The following ANXA8 variants were observed in gnomAD, a reference collection of about 807,000 sequenced individuals.
ANXA8 encodes annexin A8, also known as VAC-beta.
Under a neutral mutation model 26.8 loss-of-function variants are expected in ANXA8, and 9 were observed. The ratio of observed to expected loss-of-function variants is 0.34; its 90% CI spans 0.20 to 0.59. The LOEUF is 0.59. ANXA8 is among the 20% of genes least tolerant of loss of function. The pLI, the probability that ANXA8 is intolerant of heterozygous loss-of-function variation, is 0.84. For synonymous variants in ANXA8, 39 were observed against 94.8 expected, an observed-to-expected ratio of 0.41 and a Z score of 3.42; for missense variants, 83 against 238.5, an observed-to-expected ratio of 0.35 and a Z score of 4.29.
chr10:47,705,278 A>C, the ANXA8 span, among the ~76,000 whole-genome samples: 1 of 142,324 alleles, frequency 7.0e-6, no homozygotes, highest in South Asian at 2.4e-4. Context: ...GATTTCTGTA[A>C]AAGATACAAG....
the ANXA8 span, among the ~76,000 whole-genome samples, chr10:47,685,368 GA>G: frequency 9.6e-5 from 14 of 145,402 alleles, no homozygotes; most frequent in Admixed American, 4.8e-4. Context: ...AAAAGAAAAA[GA>G]AAAAAAAACA....
chr10:47,681,640 T>C, the ANXA8 span, among the ~76,000 whole-genome samples: 11 of 128,996 alleles, frequency 8.5e-5, no homozygotes, highest in African/African-American at 2.9e-4. Context: ...CAGGTGATCC[T>C]TTCACTTCAG....
the ANXA8 span, among the ~76,000 whole-genome samples, chr10:47,761,114 AC>A: frequency 6.7e-6 from 1 of 149,902 alleles, no homozygotes; most frequent in Non-Finnish European, 1.5e-5. Context: ...ACACACACAC[AC>A]ACACACACAC....
chr10:47,683,800 T>G, the ANXA8 span, among the ~76,000 whole-genome samples: 1 of 151,062 alleles, frequency 6.6e-6, no homozygotes, highest in Non-Finnish European at 1.5e-5. Flanking sequence ...TTGATGCTAT[T>G]GAGCAACTTT....
the ANXA8 span, among the ~76,000 whole-genome samples, chr10:47,628,598 T>C: frequency 2.0e-5 from 3 of 150,200 alleles, no homozygotes; most frequent in African/African-American, 7.5e-5. Context: ...TAGGCTCTGG[T>C]ACCGAAAATA....
chr10:47,706,007 G>C, the ANXA8 span, among the ~76,000 whole-genome samples: 6 of 149,688 alleles, frequency 4.0e-5, no homozygotes, highest in South Asian at 2.1e-4. Context: ...GTGTTGTGGG[G>C]GGGGAGGGGC....
chr10:47,747,556 G>A, the ANXA8 span, among the ~76,000 whole-genome samples: 21 of 138,276 alleles, frequency 1.5e-4, no homozygotes, highest in Admixed American at 4.5e-4. Context: ...TAGTCAGTTC[G>A]GTACCATTGG....
At chr10:47,603,181 G>T in the ANXA8 span, among the ~76,000 whole-genome samples, 1 of 144,806 alleles carries the variant, frequency 6.9e-6, no homozygotes, top group Non-Finnish European at 1.5e-5. Flanking sequence ...TAGCTGTATG[G>T]TAAAATAGGA....
At chr10:47,949,251 C>T in the ANXA8 span, among the ~76,000 whole-genome samples, 1 of 145,412 alleles carries the variant, frequency 6.9e-6, no homozygotes, top group Non-Finnish European at 1.5e-5. Flanking sequence ...CTTTAAGTTG[C>T]TAATAACTTT....
chr10:47,766,194 T>C, the ANXA8 span, among the ~76,000 whole-genome samples: 1 of 110,132 alleles, frequency 9.1e-6, no homozygotes, highest in Non-Finnish European at 1.8e-5. Flanking sequence ...TGAAGGGCTC[T>C]TGCCATTGGG....
At chr10:47,561,963 G>A in the ANXA8 span, among the ~76,000 whole-genome samples, 9 of 151,142 alleles carry the variant, frequency 6.0e-5, no homozygotes, top group East Asian at 1.7e-3. Context: ...ATGAGATGGG[G>A]GAGTCAGCTA....
chr10:47,968,980 G>GA, the ANXA8 span, among the ~76,000 whole-genome samples: 25 of 147,680 alleles, frequency 1.7e-4, no homozygotes, highest in African/African-American at 5.9e-4. Flanking sequence ...TAATTCTCTT[G>GA]AAAAAAATAA....
At chr10:47,771,986 G>T in the ANXA8 span, among the ~76,000 whole-genome samples, 1 of 151,736 alleles carries the variant, frequency 6.6e-6, no homozygotes, top group African/African-American at 2.4e-5. Flanking sequence ...AAGAAGATTT[G>T]CTTTCGTATT....
chr10:47,548,618 T>A, the ANXA8 span, among the ~76,000 whole-genome samples: 1 of 144,344 alleles, frequency 6.9e-6, no homozygotes, highest in African/African-American at 2.5e-5. Context: ...CTTTTTTTCT[T>A]TTTTTTGCTA....
the ANXA8 span, among the ~76,000 whole-genome samples, chr10:47,600,380 C>T: frequency 6.7e-6 from 1 of 149,144 alleles, no homozygotes; most frequent in Non-Finnish European, 1.5e-5. Flanking sequence ...CACCCCGGGG[C>T]GGCCTGGCTT....
the ANXA8 span, among the ~76,000 whole-genome samples, chr10:47,674,451 A>G: frequency 6.6e-6 from 1 of 151,554 alleles, no homozygotes; most frequent in Non-Finnish European, 1.5e-5. Context: ...TCATCACATC[A>G]TATTAAGGGG....
At chr10:47,691,033 T>C in the ANXA8 span, 2 of 1,610,942 alleles carry the variant, frequency 1.2e-6, no homozygotes, top group Non-Finnish European at 1.7e-6. Flanking sequence ...AGAAGTATAA[T>C]TGTTTAGTCA....
chr10:47,572,781 G>C, the ANXA8 span, among the ~76,000 whole-genome samples: 1 of 149,366 alleles, frequency 6.7e-6, no homozygotes, highest in Non-Finnish European at 1.5e-5. Flanking sequence ...CTTGTAATCT[G>C]TGCATCCCAA....
At chr10:47,969,118 T>C in the ANXA8 span, among the ~76,000 whole-genome samples, 1 of 150,624 alleles carries the variant, frequency 6.6e-6, no homozygotes, top group Admixed American at 6.6e-5. Context: ...CAGAGGTCAG[T>C]GGAGGTGGAG....
Sources: gnomAD v4.1 joint callset for allele counts (sites outside exome capture counted in the v4.1 genomes callset) on GRCh38, gnomAD v4.1.1 for gene constraint, MANE v1.5 for transcripts, NCBI Gene and HGNC (gene_info 2026-07-23, HGNC 2026-07-21) for gene names.